The following CSMD1 variants were observed in gnomAD, a reference collection of about 807,000 sequenced individuals.
The protein encoded by CSMD1 is CUB and Sushi multiple domains 1, also known as CUB and sushi domain-containing protein 1.
CSMD1 carries 213 observed loss-of-function variants against 417.5 expected under a neutral mutation model. The observed-to-expected ratio is 0.51, with a 90% CI of 0.46 to 0.57. The LOEUF (loss-of-function observed/expected upper bound fraction) is 0.57. Among genes scored for constraint, CSMD1 ranks in the 20% least tolerant of loss-of-function variants. CSMD1 has a pLI of 0.00. For missense variants in CSMD1, 6,923 were observed against 4,529.7 expected (o/e 1.53, Z -15.17); for synonymous variants, 2,862 against 1,736.8 (o/e 1.65, Z -16.11).
intron 5 of CSMD1, among the ~76,000 whole-genome samples, chr8:3,917,025 A>G (rs1208508869): frequency 6.6e-6 from 1 of 152,162 alleles, no homozygotes; most frequent in Non-Finnish European, 1.5e-5. Context: ...GATACTGGAA[A>G]TTGATTTTAT....
chr8:4,312,376 A>T (rs547125270), intron 3 of CSMD1, among the ~76,000 whole-genome samples: 1,115 of 63,134 alleles, frequency 0.018, 100 homozygotes, highest in African/African-American at 0.067. Context: ...TAATGGAACA[A>T]ATATATATAT....
At chr8:4,184,201 G>T (rs1194304221) in intron 3 of CSMD1, among the ~76,000 whole-genome samples, 1 of 152,180 alleles carries the variant, frequency 6.6e-6, no homozygotes, top group African/African-American at 2.4e-5. Flanking sequence ...GTGTCAGTCT[G>T]AGCCTAAGAG....
At chr8:3,486,281 T>TGC (rs1818028610) in intron 11 of CSMD1, among the ~76,000 whole-genome samples, 2 of 149,610 alleles carry the variant, frequency 1.3e-5, no homozygotes, top group African/African-American at 5.0e-5. Context: ...CTATTTTTTA[T>TGC]CTACCATTCT....
rs190651644 is a variant in CSMD1 at position 4,146,714 on chromosome 8, C to A, written c.416-114615G>T. 1.8e-3 allele frequency among the ~76,000 whole-genome samples: 262 copies of A among 143,886 alleles called. 17 individuals are homozygous for A. The highest frequency in any genetic ancestry group is 6.6e-3 in the African/African-American group (250 of 37,646). 94.4% of individuals were successfully genotyped at this position (143,886 alleles called of 152,430 possible). On this transcript the variant is annotated intron_variant, in intron 3 of 69. Coordinates refer to ENST00000635120, the MANE Select transcript of CSMD1 (RefSeq NM_033225.6). ...GCAAGCTCCACCTCCCGAGTTCACG[C>A]CATTCTCCTGCCTCAGCCTCCAGAG...
intron 17 of CSMD1, among the ~76,000 whole-genome samples, chr8:3,390,114 G>T (rs924037715): frequency 1.3e-5 from 2 of 152,026 alleles, no homozygotes; most frequent in Admixed American, 1.3e-4. Flanking sequence ...CAGCACTTTG[G>T]GAGGCCGAGG....
At chr8:3,571,623 G>A (rs954105319) in intron 10 of CSMD1, among the ~76,000 whole-genome samples, 1 of 152,062 alleles carries the variant, frequency 6.6e-6, no homozygotes, top group African/African-American at 2.4e-5. Context: ...GCCTGCAGGG[G>A]TGTGAGGTCC....
At chr8:4,933,021 G>A (rs1203452518) in intron 1 of CSMD1, among the ~76,000 whole-genome samples, 1 of 152,196 alleles carries the variant, frequency 6.6e-6, no homozygotes, top group Non-Finnish European at 1.5e-5. Context: ...CTTTGCTGAT[G>A]AGTTAAAAGA....
chr8:4,005,250 A>G (rs1816018543), intron 4 of CSMD1, among the ~76,000 whole-genome samples: 1 of 151,962 alleles, frequency 6.6e-6, no homozygotes, highest in Non-Finnish European at 1.5e-5. Context: ...TTACTTATGT[A>G]ACCAAACACC....
At chr8:4,904,784 AT>A (rs1321464201) in intron 1 of CSMD1, among the ~76,000 whole-genome samples, 1 of 152,134 alleles carries the variant, frequency 6.6e-6, no homozygotes, top group South Asian at 2.1e-4. Context: ...TTCAGCAGTT[AT>A]TTTGGACAGT....
At chr8:3,353,122 G>A (rs77464148) in intron 21 of CSMD1, among the ~76,000 whole-genome samples, 1,764 of 152,284 alleles carry the variant, frequency 0.012, 33 homozygotes, top group African/African-American at 0.04. Context: ...CCTATTGGCA[G>A]ATAGGAAATA....
intron 6 of CSMD1, among the ~76,000 whole-genome samples, chr8:3,718,983 G>C (rs973923151): frequency 2.0e-5 from 3 of 152,066 alleles, no homozygotes; most frequent in Non-Finnish European, 4.4e-5. Context: ...GCGCAAAGGG[G>C]GAGGCAGAAC....
intron 54 of CSMD1, among the ~76,000 whole-genome samples, chr8:2,990,714 G>A (rs972772418): frequency 1.1e-4 from 17 of 152,154 alleles, no homozygotes; most frequent in Non-Finnish European, 2.2e-4. Flanking sequence ...GTAACTTTGA[G>A]GATTTTGTTA....
intron 2 of CSMD1, among the ~76,000 whole-genome samples, chr8:4,611,535 G>A (rs7820578): frequency 0.027 from 4,084 of 152,128 alleles, 179 homozygotes; most frequent in African/African-American, 0.093. Context: ...ATTAAGACCC[G>A]TATATGTATT....
rs1446386739 is a variant in CSMD1, at chr8:2,935,508, T to G, written c.*3077A>C. 1 of 152,184 alleles carries G rather than the reference T, an allele frequency of 6.6e-6. No homozygotes were observed. The allele number at this position is 152,184 out of a possible 1,614,324, so 9.4% of individuals were successfully genotyped here. On this transcript the variant is annotated 3_prime_UTR_variant, in exon 70 of 70. Coordinates refer to ENST00000635120, the MANE Select transcript of CSMD1 (RefSeq NM_033225.6). The stretch of plus-strand genomic sequence containing the variant: ...CACTTTAATATTAATACATGTGTAA[T>G]AGGATTGGAACTGAAAATCAGCTAG...
chr8:4,722,280 T>G (rs903872518), intron 1 of CSMD1, among the ~76,000 whole-genome samples: 7 of 152,210 alleles, frequency 4.6e-5, no homozygotes, highest in Admixed American at 3.3e-4. Flanking sequence ...ATTCCTTAAA[T>G]ACAGACTGCA....
intron 12 of CSMD1, among the ~76,000 whole-genome samples, chr8:3,422,816 C>A (rs941323064): frequency 6.6e-6 from 1 of 152,134 alleles, no homozygotes; most frequent in Non-Finnish European, 1.5e-5. Context: ...GATAAAGGCA[C>A]TGGGAAGGTT....
chr8:4,004,644 A>G (rs1186513922), intron 4 of CSMD1, among the ~76,000 whole-genome samples: 1 of 152,098 alleles, frequency 6.6e-6, no homozygotes, highest in African/African-American at 2.4e-5. Context: ...AGATTTCAAT[A>G]AATTTGTGTA....
At chr8:4,883,748 T>A (rs1228597026) in intron 1 of CSMD1, among the ~76,000 whole-genome samples, 3 of 152,104 alleles carry the variant, frequency 2.0e-5, no homozygotes, top group African/African-American at 7.2e-5. Flanking sequence ...TGTTATTTTT[T>A]CACATTTTGG....
intron 3 of CSMD1, among the ~76,000 whole-genome samples, chr8:4,321,901 ACTTTTGC>A (rs1230950859): frequency 6.6e-6 from 1 of 152,116 alleles, no homozygotes; most frequent in African/African-American, 2.4e-5. Context: ...GATTTATTAG[ACTTTTGC>A]CTTTTATTAC....
Sources: gnomAD v4.1 joint callset for allele counts (sites outside exome capture counted in the v4.1 genomes callset) on GRCh38, gnomAD v4.1.1 for gene constraint, MANE v1.5 for transcripts, NCBI Gene and HGNC (gene_info 2026-07-23, HGNC 2026-07-21) for gene names.